CPEB3: variants seen among roughly 807,000 people sequenced by gnomAD.
CPEB3 encodes cytoplasmic polyadenylation element binding protein 3.
Under a neutral mutation model 67.2 loss-of-function variants are expected in CPEB3, and 20 were observed. The ratio of observed to expected loss-of-function variants is 0.30; its 90% confidence interval spans 0.21 to 0.43. The LOEUF (loss-of-function observed/expected upper bound fraction) is 0.43, where lower values mean the gene tolerates loss of function less well. Ranked by LOEUF, CPEB3 falls within the 20% of genes least tolerant of loss-of-function variation. The pLI is 1.00. For synonymous variants in CPEB3, 376 were observed against 393.1 expected, an observed-to-expected ratio of 0.96 and a Z score of 0.51; for missense variants, 746 against 968.6, an observed-to-expected ratio of 0.77 and a Z score of 3.05.
intron 1 of CPEB3, among the ~76,000 whole-genome samples, chr10:92,256,854 G>GTA (rs1852538891): frequency 6.6e-6 from 1 of 152,166 alleles, no homozygotes; most frequent in Admixed American, 6.5e-5. Context: ...ATATTTCAGT[G>GTA]TAATTATTTG....
chr10:92,134,527 T>C (rs1044080301), intron 6 of CPEB3, among the ~76,000 whole-genome samples: 1 of 151,926 alleles, frequency 6.6e-6, no homozygotes, highest in African/African-American at 2.4e-5. Context: ...TACAAACAAA[T>C]GGAAGAACAT....
At chr10:92,093,965 G>C (rs988552486) in intron 7 of CPEB3, among the ~76,000 whole-genome samples, 8 of 151,924 alleles carry the variant, frequency 5.3e-5, no homozygotes, top group African/African-American at 1.7e-4. Context: ...AGTGATTCTC[G>C]TGCCTCAGCC....
chr10:92,222,054 G>C (rs1466023719), intron 2 of CPEB3, among the ~76,000 whole-genome samples: 2 of 152,038 alleles, frequency 1.3e-5, no homozygotes, highest in African/African-American at 4.8e-5. Flanking sequence ...TGACTTTCCA[G>C]ATTAATCTCT....
At chr10:92,171,522 A>G (rs1437384751) in intron 4 of CPEB3, among the ~76,000 whole-genome samples, 1 of 152,186 alleles carries the variant, frequency 6.6e-6, no homozygotes, top group African/African-American at 2.4e-5. Flanking sequence ...TTTTGATTGT[A>G]TAACTAGAGT....
At chr10:92,207,094 T>C (rs1388001513) in intron 2 of CPEB3, among the ~76,000 whole-genome samples, 1 of 152,166 alleles carries the variant, frequency 6.6e-6, no homozygotes, top group Non-Finnish European at 1.5e-5. Flanking sequence ...GTGATCCTCC[T>C]ACCTCAGCCT....
chr10:92,099,127 T>C (rs1254714581), intron 7 of CPEB3, among the ~76,000 whole-genome samples: 12 of 151,878 alleles, frequency 7.9e-5, no homozygotes, highest in African/African-American at 2.9e-4. Context: ...ATATAAAAAC[T>C]AAAGTTTCAT....
intron 9 of CPEB3, among the ~76,000 whole-genome samples, chr10:92,070,944 A>T (rs1037236954): frequency 6.6e-6 from 1 of 152,002 alleles, no homozygotes; most frequent in Admixed American, 6.6e-5. Context: ...AATTCCAATT[A>T]GATTGTTTTT....
chr10:92,090,579 C>T (rs1266490078), intron 8 of CPEB3, among the ~76,000 whole-genome samples: 1 of 152,166 alleles, frequency 6.6e-6, no homozygotes, highest in Non-Finnish European at 1.5e-5. Context: ...TTTGTGCTTG[C>T]AGTTAGTTGC....
chr10:92,216,203 C>T lies in CPEB3; in HGVS notation c.1005+23143G>A, dbSNP rs1302745098. The stretch of plus-strand genomic sequence containing the variant: ...CTGTAATCCCAGCACTTTGGGAGGC[C>T]GAGGAGCACGGATCACAAGGTCAAG... On this transcript the variant is annotated intron_variant, in intron 2 of 9. Transcript: ENST00000265997. The T allele has an allele frequency of 7.7e-6, 6 of 776,448 alleles. No individual in the cohort carries two copies. The East Asian group carries it at 8.2e-5, about 11-fold the overall frequency. The allele number at this position is 776,448 out of a possible 1,614,324, so 48.1% of individuals were successfully genotyped here.
chr10:92,186,015 T>C (rs2134123611), intron 3 of CPEB3, among the ~76,000 whole-genome samples: 1 of 152,098 alleles, frequency 6.6e-6, no homozygotes, highest in Middle Eastern at 3.4e-3. Context: ...TTTGGCAAGT[T>C]GTTAAATATT....
chr10:92,184,717 A>G (rs1426678634), intron 3 of CPEB3, among the ~76,000 whole-genome samples: 1 of 152,250 alleles, frequency 6.6e-6, no homozygotes, highest in Non-Finnish European at 1.5e-5. Context: ...TTTTTAAAGT[A>G]AAATCATTCA....
intron 3 of CPEB3, among the ~76,000 whole-genome samples, chr10:92,190,405 C>T (rs189490168): frequency 7.2e-4 from 109 of 152,082 alleles, no homozygotes; most frequent in Non-Finnish European, 1.4e-3. Flanking sequence ...GTGGCTCACA[C>T]CTGTAATCTC....
chr10:92,103,672 T>C (rs1465034322), intron 7 of CPEB3, among the ~76,000 whole-genome samples: 1 of 152,220 alleles, frequency 6.6e-6, no homozygotes, highest in Non-Finnish European at 1.5e-5. Context: ...TTGCAATGCA[T>C]CAAGAAATGA....
At chr10:92,266,965 C>T (rs1254200299) in intron 1 of CPEB3, among the ~76,000 whole-genome samples, 3 of 151,760 alleles carry the variant, frequency 2.0e-5, no homozygotes, top group African/African-American at 4.8e-5. Context: ...ACCCAGGAGG[C>T]GGAGGTTGCA....
chr10:92,076,117 C>G (rs1202245399), intron 9 of CPEB3: 1 of 152,144 alleles, frequency 6.6e-6, no homozygotes, highest in Admixed American at 6.5e-5. Context: ...AGTAAGTGAC[C>G]CTTAAATGCC....
intron 1 of CPEB3, among the ~76,000 whole-genome samples, chr10:92,252,046 A>G (rs965707241): frequency 6.6e-6 from 1 of 152,102 alleles, no homozygotes; most frequent in African/African-American, 2.4e-5. Context: ...CTCTCTCTAT[A>G]TATATTTTTT....
intron 1 of CPEB3, among the ~76,000 whole-genome samples, chr10:92,280,324 C>A (rs1278547138): frequency 1.4e-5 from 1 of 71,600 alleles, no homozygotes; most frequent in Non-Finnish European, 2.4e-5. Flanking sequence ...GCCTGGGCAA[C>A]AAGAGCAAAA....
chr10:92,240,331 A>G lies in CPEB3; in HGVS notation c.20T>C (p.Met7Thr). Residue 7 changes from methionine (M) to threonine (T), a missense_variant, in exon 2 of 10, where the codon ATG (methionine) becomes ACG (threonine). Around this residue, in one of 2 missense-constraint regions of CPEB3, gnomAD observed 643 missense variants for 717.5 expected, o/e 0.90. Coordinates refer to ENST00000265997, the MANE Select transcript of CPEB3 (RefSeq NM_014912.5). ...CTGGGGCTGGGTTTTGCTTTTGTCC[A>G]TCAGTAAATCATCCTGCATGGTTTG... MQDDLL[M>T]DKSKTQPQPQ... 1 of 1,482,628 alleles carries G rather than the reference A, an allele frequency of 6.7e-7. No homozygotes were observed. The allele number at this position is 1,482,628 out of a possible 1,614,324, so 91.8% of individuals were successfully genotyped here.
chr10:92,209,322 T>C (rs1849952231), intron 2 of CPEB3, among the ~76,000 whole-genome samples: 1 of 152,154 alleles, frequency 6.6e-6, no homozygotes, highest in African/African-American at 2.4e-5. Flanking sequence ...GTCAGGAATT[T>C]GAGACCAGCC....
Sources: allele counts gnomAD v4.1 joint callset (sites outside exome capture counted in the v4.1 genomes callset), GRCh38; gene constraint gnomAD v4.1.1; regional missense constraint gnomAD v4.1.1; transcripts MANE v1.5; gene names NCBI Gene and HGNC (gene_info 2026-07-23, HGNC 2026-07-21).